RAB8B: variants seen among roughly 807,000 people sequenced by gnomAD.
The protein encoded by RAB8B is RAB8B, member RAS oncogene family, also known as ras-related protein Rab-8B.
Under a neutral mutation model 32.0 loss-of-function variants are expected in RAB8B, and 11 were observed. The ratio of observed to expected loss-of-function variants is 0.34; its 90% CI spans 0.22 to 0.57. RAB8B has a LOEUF of 0.57. Ranked by LOEUF, RAB8B falls within the 20% of genes least tolerant of loss-of-function variation. The probability of loss-of-function intolerance (pLI) is 0.86; values close to 1 mark genes in which losing one functional copy is unlikely to be tolerated. For missense variants in RAB8B, 190 were observed against 258.5 expected (o/e 0.73, Z 1.82); for synonymous variants, 103 against 89.6 (o/e 1.15, Z -0.85).
intron 1 of RAB8B, among the ~76,000 whole-genome samples, chr15:63,190,222 C>T (rs149057957): frequency 3.3e-5 from 5 of 151,890 alleles, no homozygotes; most frequent in Non-Finnish European, 5.9e-5. Context: ...ACAGAGGACA[C>T]AAGGGACAGA....
chr15:63,197,820 C>A (rs541937745), intron 1 of RAB8B, among the ~76,000 whole-genome samples: 23 of 152,222 alleles, frequency 1.5e-4, no homozygotes, highest in African/African-American at 4.8e-4. Context: ...CCTGTCTGAG[C>A]TCAGCAAGGC....
At chr15:63,245,975 C>T (rs1396146286) in intron 2 of RAB8B, among the ~76,000 whole-genome samples, 1 of 152,140 alleles carries the variant, frequency 6.6e-6, no homozygotes, top group African/African-American at 2.4e-5. Context: ...CGGGTTCAAG[C>T]GATTCTCCTG....
At position 63,267,056 on chromosome 15, in the gene RAB8B, A is replaced by T. The variant is rs2038254527; in HGVS notation, c.*3437A>T. ...ACATTCCTTTTTCCTTGTTACATCC[A>T]AGGGGGGCACAGGGGTGGGTGGAAA... is the stretch of plus-strand genomic sequence containing the variant. On this transcript the variant is annotated 3_prime_UTR_variant, in exon 8 of 8. Transcript: ENST00000321437. 1 of 152,426 alleles carries T rather than the reference A, an allele frequency of 6.6e-6. No individual in the cohort carries two copies. The highest frequency in any genetic ancestry group is 1.5e-5 in the Non-Finnish European group (1 of 67,992). The allele number at this position is 152,426 out of a possible 1,614,324, so 9.4% of individuals were successfully genotyped here. A position where few individuals can be genotyped will look rare whatever the true frequency, so the allele number is the denominator to read the frequency against.
At chr15:63,251,990 A>C (rs534753245) in intron 3 of RAB8B, among the ~76,000 whole-genome samples, 2 of 152,222 alleles carry the variant, frequency 1.3e-5, no homozygotes, top group South Asian at 4.1e-4. Flanking sequence ...CAGCATTCAT[A>C]GGCATAGCAG....
chr15:63,265,592 C>A lies in RAB8B; in HGVS notation c.*1973C>A, dbSNP rs1299054918. ...ACGCTTTCTGGATGGTAACAAAGTA[C>A]CTTCTAAAAGATAAGTGCTATGACA... On this transcript the variant is annotated 3_prime_UTR_variant, in exon 8 of 8. Coordinates refer to ENST00000321437, the MANE Select transcript of RAB8B (RefSeq NM_016530.3). This position sits in a 1 kb window ranked among gnomAD's most constrained non-coding sequence, Gnocchi z 4.9. 2.0e-5 allele frequency: 3 copies of A among 152,472 alleles called. No homozygotes were observed. Among genetic ancestry groups the A allele is most frequent in the Admixed American group, 6.6e-5 (1 of 15,266 alleles). 9.4% of individuals were successfully genotyped at this position (152,472 alleles called of 1,614,324 possible). A position where few individuals can be genotyped will look rare whatever the true frequency, so the allele number is the denominator to read the frequency against.
intron 3 of RAB8B, among the ~76,000 whole-genome samples, chr15:63,251,959 A>G (rs961286849): frequency 6.6e-5 from 10 of 152,062 alleles, no homozygotes; most frequent in African/African-American, 2.4e-4. Flanking sequence ...GTCTGTCACC[A>G]TGGCATTTCA....
At chr15:63,211,264 A>G (rs2037744597) in intron 1 of RAB8B, among the ~76,000 whole-genome samples, 1 of 152,218 alleles carries the variant, frequency 6.6e-6, no homozygotes, top group South Asian at 2.1e-4. Flanking sequence ...GGAAGTATAG[A>G]AATTACTGAG....
intron 1 of RAB8B, among the ~76,000 whole-genome samples, chr15:63,219,234 A>G (rs542550298): frequency 6.7e-6 from 1 of 150,086 alleles, no homozygotes; most frequent in South Asian, 2.1e-4. Flanking sequence ...GGAGGCAGAG[A>G]TTGTAGTGAG....
At chr15:63,218,436 G>A (rs1390501741) in intron 1 of RAB8B, among the ~76,000 whole-genome samples, 1 of 152,200 alleles carries the variant, frequency 6.6e-6, no homozygotes, top group Admixed American at 6.5e-5. Flanking sequence ...GATCTCAGGA[G>A]AGTATCTTGA....
At chr15:63,223,987 ACTCATTC>A (rs2037868977) in intron 1 of RAB8B, 2 of 252,980 alleles carry the variant, frequency 7.9e-6, no homozygotes, top group Admixed American at 4.6e-5. Flanking sequence ...TGGGTAAGTC[ACTCATTC>A]TCTCCGTGTG....
At chr15:63,202,887 CG>C (rs2141110808) in intron 1 of RAB8B, among the ~76,000 whole-genome samples, 1 of 152,292 alleles carries the variant, frequency 6.6e-6, no homozygotes, top group Non-Finnish European at 1.5e-5. Context: ...CAGAGAAACC[CG>C]AGCAACTCAG....
chr15:63,194,950 T>C (rs982163250), intron 1 of RAB8B, among the ~76,000 whole-genome samples: 3 of 152,240 alleles, frequency 2.0e-5, no homozygotes, highest in East Asian at 1.9e-4. Context: ...TATTTTTGGT[T>C]GGTAGCATTT....
intron 1 of RAB8B, among the ~76,000 whole-genome samples, chr15:63,209,262 G>A (rs2037726044): frequency 6.6e-6 from 1 of 151,464 alleles, no homozygotes; most frequent in African/African-American, 2.4e-5. Flanking sequence ...TGAAAAAATT[G>A]TCATTGAACT....
intron 1 of RAB8B, among the ~76,000 whole-genome samples, chr15:63,237,530 T>A (rs2037991107): frequency 6.6e-6 from 1 of 152,204 alleles, no homozygotes; most frequent in Non-Finnish European, 1.5e-5. Context: ...CATTTGTATG[T>A]CTTTTGAAAA....
chr15:63,234,197 A>T (rs547609642), intron 1 of RAB8B, among the ~76,000 whole-genome samples: 1 of 152,290 alleles, frequency 6.6e-6, no homozygotes, highest in African/African-American at 2.4e-5. Context: ...AAATGCATCA[A>T]GTCACAGCTT....
chr15:63,230,906 T>C (rs368274085), intron 1 of RAB8B, among the ~76,000 whole-genome samples: 5 of 152,226 alleles, frequency 3.3e-5, no homozygotes, highest in East Asian at 1.9e-4. Flanking sequence ...GGGCTCTCAC[T>C]ATGTTGCCCA....
intron 1 of RAB8B, among the ~76,000 whole-genome samples, chr15:63,239,512 A>C (rs2038013989): frequency 6.7e-6 from 1 of 150,162 alleles, no homozygotes; most frequent in Non-Finnish European, 1.5e-5. Context: ...TCCTGGGTTC[A>C]AGTGATTCAT....
chr15:63,222,480 A>G (rs1295492829), intron 1 of RAB8B, among the ~76,000 whole-genome samples: 2 of 152,234 alleles, frequency 1.3e-5, no homozygotes, highest in African/African-American at 4.8e-5. Context: ...CATTATAGTG[A>G]ATGATGGATC....
chr15:63,222,721 A>G (rs1255194143), intron 1 of RAB8B, among the ~76,000 whole-genome samples: 1 of 152,002 alleles, frequency 6.6e-6, no homozygotes, highest in Admixed American at 6.6e-5. Context: ...TTGTATTTTT[A>G]GTAGAGATGG....
Sources: gnomAD v4.1 joint callset for allele counts (sites outside exome capture counted in the v4.1 genomes callset) on GRCh38, gnomAD v4.1.1 for gene constraint, Gnocchi (gnomAD v3.1) non-coding constraint, MANE v1.5 for transcripts, NCBI Gene and HGNC (gene_info 2026-07-23, HGNC 2026-07-21) for gene names.